AFF4: variants seen among roughly 807,000 people sequenced by gnomAD.
AFF4 encodes the protein ALF transcription elongation factor 4.
AFF4 carries 13 observed loss-of-function variants against 124.8 expected under a neutral mutation model. That is an observed-to-expected ratio of 0.10 (90% CI 0.07 to 0.17). The LOEUF is 0.17. Among genes scored for constraint, AFF4 ranks in the 10% least tolerant of loss-of-function variants. AFF4 has a pLI of 1.00. For missense variants in AFF4, 1,092 were observed against 1,403.8 expected, an observed-to-expected ratio of 0.78 and a Z score of 3.55; for synonymous variants, 477 against 496.1, an observed-to-expected ratio of 0.96 and a Z score of 0.51.
Position 132,892,200 on chromosome 5 carries a change from G to T in AFF4, c.2601C>A (p.Thr867=). ...TGGAGCTACTGGAAGTCTTCCCTTC[G>T]GTCTTCTTCTGCTTTGATGTGGAGG... is the stretch of plus-strand genomic sequence containing the variant. ...NSSSTSKQKK[T]EGKTSSSSKE... Residue 867 remains threonine (T), a synonymous_variant, in exon 13 of 21, where the codon ACC becomes ACA. Coordinates refer to ENST00000265343, the MANE Select transcript of AFF4 (RefSeq NM_014423.4). 1 of 1,613,968 alleles carries T rather than the reference G, an allele frequency of 6.2e-7. No homozygotes were observed. The highest frequency in any genetic ancestry group is 8.5e-7 in the Non-Finnish European group (1 of 1,179,996).
chr5:132,898,481 TC>T (rs1760467805), intron 9 of AFF4, 89 bp from the exon 10 acceptor site: 2 of 1,371,644 alleles, frequency 1.5e-6, no homozygotes, highest in Admixed American at 2.6e-5. Flanking sequence ...TTTCTTTTTT[TC>T]TTCTTGTCTT....
chr5:132,897,908 G>C (rs1760449868), intron 10 of AFF4, among the ~76,000 whole-genome samples: 1 of 152,032 alleles, frequency 6.6e-6, no homozygotes, highest in Admixed American at 6.6e-5. Context: ...TATTACATAA[G>C]ACTCTTTTTA....
chr5:132,949,892 T>TGC (rs1761797129), intron 1 of AFF4, among the ~76,000 whole-genome samples: 2 of 146,836 alleles, frequency 1.4e-5, no homozygotes, highest in South Asian at 4.3e-4. Context: ...GGAAAGGTGG[T>TGC]GCATGCCTGT....
chr5:132,917,745 C>G (rs1245366080), intron 5 of AFF4, among the ~76,000 whole-genome samples: 1 of 121,338 alleles, frequency 8.2e-6, no homozygotes, highest in Non-Finnish European at 1.6e-5. Context: ...CAGAGACTCA[C>G]CTTGTCGCCC....
At chr5:132,962,491 G>C (rs1762100282) in intron 1 of AFF4, among the ~76,000 whole-genome samples, 1 of 152,164 alleles carries the variant, frequency 6.6e-6, no homozygotes, top group East Asian at 1.9e-4. Context: ...TCCACTTCCT[G>C]AAAATAATAC....
At chr5:132,892,570 T>A (rs932815174) in intron 12 of AFF4, among the ~76,000 whole-genome samples, 166 bp from the exon 13 acceptor site, 6 of 152,190 alleles carry the variant, frequency 3.9e-5, no homozygotes, top group Non-Finnish European at 8.8e-5. Flanking sequence ...TCCATGAAGG[T>A]AGGCATCTTC....
At chr5:132,908,776 A>ATATATATTTTT (rs375891983) in intron 5 of AFF4, among the ~76,000 whole-genome samples, 1 of 114,918 alleles carries the variant, frequency 8.7e-6, no homozygotes, top group African/African-American at 3.0e-5. Context: ...ATATATATAT[A>ATATATATTTTT]TTTTTTTTTT....
At chr5:132,962,266 T>C (rs1321674426) in intron 1 of AFF4, among the ~76,000 whole-genome samples, 1 of 152,240 alleles carries the variant, frequency 6.6e-6, no homozygotes. Flanking sequence ...ACACATTTTA[T>C]GTTACATTTA....
intron 13 of AFF4, 107 bp downstream of exon 13, chr5:132,892,057 A>G: frequency 5.3e-6 from 8 of 1,505,410 alleles, no homozygotes; most frequent in East Asian, 2.3e-5. Flanking sequence ...ACATAGGCCT[A>G]TATATTTACT....
rs1245713829 is a variant in AFF4, at chr5:132,876,498, TG to T, written c.*4560del. ...GTGGGAGCTTTTTTATTTTTAAGAA[TG>T]GCAAGTTATGTTTAGCTGAGTAACA... On this transcript the variant is annotated 3_prime_UTR_variant, in exon 21 of 21. Transcript: ENST00000265343. 9.2e-6 allele frequency: 2 copies of T among 218,282 alleles called. No homozygotes were observed. Among genetic ancestry groups the T allele is most frequent in the Non-Finnish European group, 1.8e-5 (2 of 108,446 alleles). 13.5% of individuals were successfully genotyped at this position (218,282 alleles called of 1,614,324 possible). A position where few individuals can be genotyped will look rare whatever the true frequency, so the allele number is the denominator to read the frequency against.
At position 132,881,121 on chromosome 5, in the gene AFF4, G is replaced by A; in HGVS notation, c.3430C>T (p.Leu1144=). The A allele has an allele frequency of 6.2e-7, 1 of 1,614,230 alleles. No individual in the cohort carries two copies. Among genetic ancestry groups the A allele is most frequent in the Non-Finnish European group, 8.5e-7 (1 of 1,180,038 alleles). ...AGTCCCTGCCGGGTATAACGAACTA[G>A]ATCTGTCATGATGCTTGCATTAAAG... ...LIFNASIMTD[L]VRYTRQGLHW... The change falls in exon 21 of 21, where the codon CTA becomes TTA. Residue 1144 remains leucine (L), a synonymous_variant. Transcript: ENST00000265343.
intron 1 of AFF4, chr5:132,945,432 A>G (rs1761674960): frequency 6.6e-6 from 1 of 151,982 alleles, no homozygotes; most frequent in Non-Finnish European, 1.5e-5. Flanking sequence ...ACCCCTTCTC[A>G]CTCCCACACT....
At chr5:132,892,631 ACT>A (rs1245308242) in intron 12 of AFF4, among the ~76,000 whole-genome samples, 1 of 152,182 alleles carries the variant, frequency 6.6e-6, no homozygotes, top group African/African-American at 2.4e-5. Context: ...CTGACCTACC[ACT>A]CAGTAGTACT....
chr5:132,884,819 T>G (rs1760074591), intron 19 of AFF4, among the ~76,000 whole-genome samples: 1 of 152,126 alleles, frequency 6.6e-6, no homozygotes, highest in African/African-American at 2.4e-5. Flanking sequence ...AATCAAACTG[T>G]GAAAAGGGTT....
intron 7 of AFF4, chr5:132,900,949 C>T: frequency 1.0e-6 from 1 of 985,102 alleles, no homozygotes; most frequent in Non-Finnish European, 1.2e-6. Flanking sequence ...TTGTACTTTT[C>T]CTCCTCAAAG....
intron 1 of AFF4, among the ~76,000 whole-genome samples, chr5:132,952,766 T>C (rs1409887934): frequency 2.6e-5 from 4 of 152,180 alleles, no homozygotes; most frequent in Admixed American, 6.6e-5. Context: ...GGCATAGTGG[T>C]GCATGCCTGT....
chr5:132,881,156 C>G lies in AFF4; in HGVS notation c.3395G>C (p.Gly1132Ala), dbSNP rs754165026. The G allele has an allele frequency of 1.2e-6, 2 of 1,614,092 alleles. No individual in the cohort carries two copies. Among genetic ancestry groups the G allele is most frequent in the Non-Finnish European group, 1.7e-6 (2 of 1,179,974 alleles). Residue 1132 changes from glycine to alanine, a missense_variant, in exon 21 of 21, where the codon GGC (glycine) becomes GCC (alanine). By Grantham distance (60) the Gly-to-Ala change is moderately conservative. Coordinates refer to ENST00000265343, the MANE Select transcript of AFF4 (RefSeq NM_014423.4). Reference sequence around the variant, plus strand: ...GATGCTTGCATTAAAGATGAGAGGGCCCATTACTTTATCCAGTTCAGCAAA... The same window carrying G: ...GATGCTTGCATTAAAGATGAGAGGGGCCATTACTTTATCCAGTTCAGCAAA... The part of the protein sequence containing the change: ...EFFAELDKVM[G>A]PLIFNASIMT...
intron 5 of AFF4, among the ~76,000 whole-genome samples, chr5:132,905,081 T>C (rs1760641566): frequency 1.3e-5 from 2 of 151,766 alleles, no homozygotes; most frequent in Non-Finnish European, 2.9e-5. Context: ...ACCACTTTTA[T>C]GGACTAAAAA....
intron 5 of AFF4, among the ~76,000 whole-genome samples, chr5:132,909,758 T>G (rs2150081539): frequency 6.6e-6 from 1 of 152,340 alleles, no homozygotes; most frequent in East Asian, 1.9e-4. Flanking sequence ...GGCTTCAACA[T>G]CATTGTTCCA....
Sources: allele counts gnomAD v4.1 joint callset (sites outside exome capture counted in the v4.1 genomes callset), GRCh38; gene constraint gnomAD v4.1.1; transcripts MANE v1.5; gene names NCBI Gene and HGNC (gene_info 2026-07-23, HGNC 2026-07-21).